NTSR1: variants seen among roughly 807,000 people sequenced by gnomAD.
The protein encoded by NTSR1 is neurotensin receptor type 1.
In NTSR1, 29 loss-of-function variants were observed where a neutral mutation model predicts 31.2. That is an observed-to-expected ratio of 0.93 (90% confidence interval 0.69 to 1.27). The LOEUF is 1.27. Among genes scored for constraint, NTSR1 ranks in the 50% most tolerant of loss-of-function variants. NTSR1 has a pLI of 0.00. For synonymous variants in NTSR1, 282 were observed against 269.9 expected (o/e 1.04, Z -0.44); for missense variants, 697 against 595.4 (o/e 1.17, Z -1.78).
At position 62,718,195 on chromosome 20, in the gene NTSR1, G is replaced by A. The variant is rs544059135; in HGVS notation, c.714+8274G>A. Reference sequence around the variant, plus strand: ...AGCTTTTATTCTGGAAGAAGTGAGTGGGCGTGGGAGATTCTGAGCAGAGCC... The same window carrying A: ...AGCTTTTATTCTGGAAGAAGTGAGTAGGCGTGGGAGATTCTGAGCAGAGCC... On this transcript the variant is annotated intron_variant, in intron 1 of 3. Coordinates refer to ENST00000370501, the MANE Select transcript of NTSR1 (RefSeq NM_002531.3). 3.3e-5 allele frequency among the ~76,000 whole-genome samples: 5 copies of A among 152,322 alleles called. No individual in the cohort carries two copies. In the South Asian group the frequency reaches 6.2e-4, roughly 19 times the overall value.
At position 62,711,745 on chromosome 20, in the gene NTSR1, T is replaced by A. The variant is rs920248695; in HGVS notation, c.714+1824T>A. Among the ~76,000 whole-genome samples, 1 of 152,152 alleles carries A rather than the reference T, an allele frequency of 6.6e-6. No individual in the cohort carries two copies. The highest frequency in any genetic ancestry group is 1.5e-5 in the Non-Finnish European group (1 of 68,014). On this transcript the variant is annotated intron_variant, in intron 1 of 3. Transcript: ENST00000370501. This position sits in a 1 kb window ranked among gnomAD's most constrained non-coding sequence, Gnocchi z 6.4. ...CCGGAAAGTGTCCTCCCCGCGTGCGTGGGCTCTCTGCCAGGTACTTGGGAT... is the reference window on the plus strand; with the variant it reads ...CCGGAAAGTGTCCTCCCCGCGTGCGAGGGCTCTCTGCCAGGTACTTGGGAT...
intron 1 of NTSR1, among the ~76,000 whole-genome samples, chr20:62,724,864 T>C (rs1351724925): frequency 6.6e-6 from 1 of 152,216 alleles, no homozygotes; most frequent in Admixed American, 6.5e-5. Context: ...CTTTCTCTGC[T>C]TCTGTCTCCA....
rs200300483 is a variant in NTSR1, at chr20:62,754,890, C to A, written c.916+4C>A. ...CGGCACGGCGTGCGCGTCCTACGTA[C>A]GTAACCTCTGGGCCCTCCAGGGGCG... On this transcript the variant is annotated splice_donor_region_variant and intron_variant, in intron 2 of 3. Coordinates refer to ENST00000370501, the MANE Select transcript of NTSR1 (RefSeq NM_002531.3). 1 of 1,591,160 alleles carries A rather than the reference C, an allele frequency of 6.3e-7. No individual in the cohort carries two copies.
chr20:62,724,449 C>T (rs567388366), intron 1 of NTSR1, among the ~76,000 whole-genome samples: 1 of 152,340 alleles, frequency 6.6e-6, no homozygotes, highest in African/African-American at 2.4e-5. Flanking sequence ...GCAGGGCACC[C>T]ATCAAACTTC....
chr20:62,730,222 T>G (rs1283238666), intron 1 of NTSR1, among the ~76,000 whole-genome samples: 1 of 152,140 alleles, frequency 6.6e-6, no homozygotes, highest in Non-Finnish European at 1.5e-5. Context: ...AGAGTTTCAT[T>G]GCCCGAAAAA....
chr20:62,720,482 A>T (rs998450246), intron 1 of NTSR1, among the ~76,000 whole-genome samples: 3 of 152,086 alleles, frequency 2.0e-5, no homozygotes, highest in African/African-American at 7.2e-5. Flanking sequence ...GGTCAGTAAT[A>T]GTGTCTCCTT....
rs1989553189 is a variant in NTSR1, at chr20:62,758,379, T to C, written c.1007+23T>C. On this transcript the variant is annotated intron_variant, in intron 3 of 3. Transcript: ENST00000370501. This position sits in a 1 kb window ranked among gnomAD's most constrained non-coding sequence, Gnocchi z 4.5. The stretch of plus-strand genomic sequence containing the variant: ...TCCGTGAGTACCGGGAACCAGGAAG[T>C]TGGGTGCTGGACAAGTAAGTGCTCC... 6.2e-7 allele frequency: 1 copy of C among 1,606,506 alleles called. No homozygotes were observed. Among genetic ancestry groups the C allele is most frequent in the Non-Finnish European group, 8.5e-7 (1 of 1,173,938 alleles).
chr20:62,753,315 C>T (rs1053464055), intron 1 of NTSR1, among the ~76,000 whole-genome samples: 1 of 152,222 alleles, frequency 6.6e-6, no homozygotes, highest in African/African-American at 2.4e-5. Context: ...TGGCCACCGC[C>T]GCCTTCATTA....
At chr20:62,719,956 C>CA (rs1402447231) in intron 1 of NTSR1, among the ~76,000 whole-genome samples, 1 of 152,176 alleles carries the variant, frequency 6.6e-6, no homozygotes, top group Admixed American at 6.5e-5. Flanking sequence ...GATTGTCCAG[C>CA]AAAACCATCC....
Position 62,715,210 on chromosome 20 carries a change from C to T in NTSR1, c.714+5289C>T, listed in dbSNP as rs759117602. 6.6e-6 allele frequency among the ~76,000 whole-genome samples: 1 copy of T among 152,176 alleles called. No individual in the cohort carries two copies. The highest frequency in any genetic ancestry group is 1.5e-5 in the Non-Finnish European group (1 of 68,038). ...CACCGTTCAGATGGTGACTCTGAGGCTGTGGGGGGTGAGAGGGCAGGACAG... is the reference window on the plus strand; with the variant it reads ...CACCGTTCAGATGGTGACTCTGAGGTTGTGGGGGGTGAGAGGGCAGGACAG... On this transcript the variant is annotated intron_variant, in intron 1 of 3. Coordinates refer to ENST00000370501, the MANE Select transcript of NTSR1 (RefSeq NM_002531.3). This position sits in a 1 kb window ranked among gnomAD's most constrained non-coding sequence, Gnocchi z 4.7.
rs534901752 is a variant in NTSR1, at chr20:62,711,032, G to A, written c.714+1111G>A. ...TTCTGTAGTTGCCTGGGCACCCCGC[G>A]TATGCCAGTATGCCCGGTGGGGGTG... On this transcript the variant is annotated intron_variant, in intron 1 of 3. Coordinates refer to ENST00000370501, the MANE Select transcript of NTSR1 (RefSeq NM_002531.3). The surrounding 1 kb of genome is among the most constrained non-coding windows in gnomAD (Gnocchi z 6.4). 3.5e-4 allele frequency among the ~76,000 whole-genome samples: 54 copies of A among 152,310 alleles called. No homozygotes were observed. Among genetic ancestry groups the A allele is most frequent in the African/African-American group, 1.3e-3 (53 of 41,570 alleles).
At chr20:62,753,193 G>T (rs976440505) in intron 1 of NTSR1, among the ~76,000 whole-genome samples, 5 of 152,222 alleles carry the variant, frequency 3.3e-5, no homozygotes. Context: ...GAGCTTCGAT[G>T]GGAGCAGGAA....
At chr20:62,751,788 G>A (rs1364258981) in intron 1 of NTSR1, among the ~76,000 whole-genome samples, 3 of 152,222 alleles carry the variant, frequency 2.0e-5, no homozygotes, top group African/African-American at 7.2e-5. Flanking sequence ...GAGGCGGGTG[G>A]GACAGGGGCC....
At chr20:62,752,563 C>T (rs991827182) in intron 1 of NTSR1, among the ~76,000 whole-genome samples, 1 of 152,262 alleles carries the variant, frequency 6.6e-6, no homozygotes, top group Non-Finnish European at 1.5e-5. Context: ...CAGGATCCTC[C>T]AACGGGGGCA....
intron 1 of NTSR1, among the ~76,000 whole-genome samples, chr20:62,721,774 G>T (rs1988830577): frequency 6.6e-6 from 1 of 152,198 alleles, no homozygotes; most frequent in Non-Finnish European, 1.5e-5. Flanking sequence ...AGTTTCCAGG[G>T]ATCCTTTCCT....
rs1451678349 is a variant in NTSR1 at position 62,709,907 on chromosome 20, A to C, written c.700A>C (p.Lys234Gln). Residue 234 changes from lysine (K) to glutamine (Q), a missense_variant, in exon 1 of 4, where the codon AAG becomes CAG. Physicochemically the swap from Lys to Gln is moderately conservative, Grantham distance 53 (BLOSUM62 1). Coordinates refer to ENST00000370501, the MANE Select transcript of NTSR1 (RefSeq NM_002531.3). Reference sequence around the variant, plus strand: ...CCCCACCATCCACACTGCCACCGTCAAGGTCGTCATACAGGTGAGCCTCAG... The same window carrying C: ...CCCCACCATCCACACTGCCACCGTCCAGGTCGTCATACAGGTGAGCCTCAG... The part of the protein sequence containing the change: ...CTPTIHTATV[K>Q]VVIQVNTFMS... 6.3e-7 allele frequency: 1 copy of C among 1,594,360 alleles called. No individual in the cohort carries two copies. The highest frequency in any genetic ancestry group is 8.6e-7 in the Non-Finnish European group (1 of 1,167,366).
intron 1 of NTSR1, among the ~76,000 whole-genome samples, chr20:62,712,944 T>C (rs1988645023): frequency 6.6e-6 from 1 of 152,208 alleles, no homozygotes; most frequent in South Asian, 2.1e-4. Context: ...CCATGGCGTG[T>C]ATACTGAACG....
intron 1 of NTSR1, among the ~76,000 whole-genome samples, chr20:62,753,334 C>G (rs1193481481): frequency 6.6e-6 from 1 of 152,226 alleles, no homozygotes; most frequent in Admixed American, 6.5e-5. Context: ...TAGCGAGACA[C>G]GGCGAGGATT....
chr20:62,735,244 G>C (rs1989070224), intron 1 of NTSR1: 2 of 152,366 alleles, frequency 1.3e-5, no homozygotes, highest in Admixed American at 6.5e-5. Flanking sequence ...CAGGGTCCTT[G>C]GCAGAGGGGC....
Sources: gnomAD v4.1 joint callset for allele counts (sites outside exome capture counted in the v4.1 genomes callset) on GRCh38, gnomAD v4.1.1 for gene constraint, Gnocchi (gnomAD v3.1) non-coding constraint, MANE v1.5 for transcripts, NCBI Gene and HGNC (gene_info 2026-07-23, HGNC 2026-07-21) for gene names.